Variants in NTM observed in about 807,000 individuals in gnomAD.
The protein encoded by NTM is IgLON family member 2.
Under a neutral mutation model 42.1 loss-of-function variants are expected in NTM, and 13 were observed. The ratio of observed to expected loss-of-function variants is 0.31; its 90% CI spans 0.20 to 0.49. NTM has a LOEUF of 0.49. NTM is among the 20% of genes least tolerant of loss of function. NTM has a pLI of 0.99. For synonymous variants in NTM, 187 were observed against 179.2 expected, an observed-to-expected ratio of 1.04 and a Z score of -0.35; for missense variants, 373 against 452.8, an observed-to-expected ratio of 0.82 and a Z score of 1.60.
In NTM at chr11:131,866,517, G is replaced by T. The variant is rs202030879; in HGVS notation, c.83-45047G>T. 7.2e-5 allele frequency among the ~76,000 whole-genome samples: 11 copies of T among 152,382 alleles called. No homozygotes were observed. The East Asian group carries it at 1.5e-3, about 21-fold the overall frequency. ...TCAGAGCTCCAAATCCCAAAGGAAT[G>T]AGTATGCAAAACTAAGACCCACCTC... is the stretch of plus-strand genomic sequence containing the variant. On this transcript the variant is annotated intron_variant, in intron 1 of 8. Transcript: ENST00000683400.
chr11:131,397,730 T>C (rs1591555398), intron 1 of NTM, among the ~76,000 whole-genome samples: 1 of 152,188 alleles, frequency 6.6e-6, no homozygotes, highest in African/African-American at 2.4e-5. Context: ...ATGGGCTTCC[T>C]GGGGGTTTTC....
chr11:132,295,258 T>C (rs2094573351), intron 4 of NTM, among the ~76,000 whole-genome samples: 1 of 152,162 alleles, frequency 6.6e-6, no homozygotes. Context: ...ACAATTGATA[T>C]GATATAACGA....
At chr11:132,202,828 G>A (rs1457434966) in intron 3 of NTM, among the ~76,000 whole-genome samples, 1 of 152,060 alleles carries the variant, frequency 6.6e-6, no homozygotes, top group Non-Finnish European at 1.5e-5. Flanking sequence ...CAGAAGCACT[G>A]GTTTATGACT....
At chr11:131,466,846 T>C (rs1951946629) in intron 1 of NTM, among the ~76,000 whole-genome samples, 1 of 152,226 alleles carries the variant, frequency 6.6e-6, no homozygotes, top group Non-Finnish European at 1.5e-5. Context: ...TTATTTTTAT[T>C]GTGTTGGAAA....
intron 3 of NTM, among the ~76,000 whole-genome samples, chr11:132,190,266 A>G (rs2079087035): frequency 6.6e-6 from 1 of 152,206 alleles, no homozygotes; most frequent in South Asian, 2.1e-4. Context: ...AAAGCATGGT[A>G]ATGAGATAGG....
intron 1 of NTM, among the ~76,000 whole-genome samples, chr11:131,779,616 T>C (rs2087692865): frequency 6.6e-6 from 1 of 152,164 alleles, no homozygotes; most frequent in Non-Finnish European, 1.5e-5. Flanking sequence ...GAGTAGCTTC[T>C]ACCTGAGATA....
Position 131,446,132 on chromosome 11 carries a change from T to A in NTM, c.82+75244T>A, listed in dbSNP as rs553335874. Among the ~76,000 whole-genome samples, 16 of 152,302 alleles carry A rather than the reference T, an allele frequency of 1.1e-4. No homozygotes were observed. The East Asian group carries it at 3.1e-3, about 29-fold the overall frequency. ...GTCCAACCCAATTCCCCAAGCCTACTGGAGGAAGGGCTATCTTATAGATCA... is the reference window on the plus strand; with the variant it reads ...GTCCAACCCAATTCCCCAAGCCTACAGGAGGAAGGGCTATCTTATAGATCA... On this transcript the variant is annotated intron_variant, in intron 1 of 8. Transcript: ENST00000683400.
At chr11:131,816,736 T>C (rs1376057096) in intron 1 of NTM, among the ~76,000 whole-genome samples, 1 of 152,122 alleles carries the variant, frequency 6.6e-6, no homozygotes, top group Non-Finnish European at 1.5e-5. Context: ...TGTAGGTATC[T>C]TTCCTAGGAG....
chr11:131,838,057 C>A (rs1033929555), intron 1 of NTM, among the ~76,000 whole-genome samples: 1 of 152,134 alleles, frequency 6.6e-6, no homozygotes, highest in African/African-American at 2.4e-5. Context: ...CATCTCCCAG[C>A]CATCTGGAAA....
intron 2 of NTM, among the ~76,000 whole-genome samples, chr11:132,031,483 T>A (rs894917781): frequency 6.6e-6 from 1 of 152,076 alleles, no homozygotes; most frequent in Non-Finnish European, 1.5e-5. Context: ...TCTGGATTTG[T>A]TTTTCAGGTA....
At chr11:132,227,502 T>C (rs1339680893) in intron 4 of NTM, among the ~76,000 whole-genome samples, 1 of 152,008 alleles carries the variant, frequency 6.6e-6, no homozygotes, top group African/African-American at 2.4e-5. Context: ...TTTTTTCCTC[T>C]AAAGTCCAAT....
At chr11:131,879,650 G>T (rs943669927) in intron 1 of NTM, among the ~76,000 whole-genome samples, 14 of 151,856 alleles carry the variant, frequency 9.2e-5, no homozygotes, top group African/African-American at 3.4e-4. Context: ...TTAATTTTTT[G>T]AAAAAAATAC....
At chr11:132,313,768 C>CCCCAACT (rs1180406218) in intron 6 of NTM, among the ~76,000 whole-genome samples, 2 of 152,104 alleles carry the variant, frequency 1.3e-5, no homozygotes, top group Admixed American at 6.6e-5. Context: ...ACCTCACTTC[C>CCCCAACT]CCCAACTAAC....
intron 1 of NTM, among the ~76,000 whole-genome samples, chr11:131,529,483 A>G (rs1413825084): frequency 6.6e-6 from 1 of 152,126 alleles, no homozygotes; most frequent in African/African-American, 2.4e-5. Context: ...GGTAAATAGG[A>G]TGGGGAAATG....
chr11:132,160,804 A>C (rs1037575467), intron 3 of NTM, among the ~76,000 whole-genome samples: 3 of 152,124 alleles, frequency 2.0e-5, no homozygotes, highest in Admixed American at 6.6e-5. Flanking sequence ...AAAAAATGAC[A>C]AGTGCAGGAT....
intron 1 of NTM, among the ~76,000 whole-genome samples, chr11:131,669,952 G>T (rs976623755): frequency 1.3e-5 from 2 of 152,174 alleles, no homozygotes; most frequent in African/African-American, 4.8e-5. Context: ...CAAAGATGCT[G>T]GCACTCTCCG....
intron 6 of NTM, among the ~76,000 whole-genome samples, chr11:132,312,972 T>C (rs1188518747): frequency 6.6e-6 from 1 of 152,118 alleles, no homozygotes; most frequent in Non-Finnish European, 1.5e-5. Flanking sequence ...CAGAGGAACA[T>C]CTACATAATG....
intron 4 of NTM, among the ~76,000 whole-genome samples, chr11:132,278,137 C>T (rs1028365436): frequency 6.6e-6 from 1 of 152,232 alleles, no homozygotes; most frequent in African/African-American, 2.4e-5. Flanking sequence ...GCATCCTTTA[C>T]AGCCTACCCA....
At chr11:132,244,321 G>T (rs1259334804) in intron 4 of NTM, among the ~76,000 whole-genome samples, 2 of 152,192 alleles carry the variant, frequency 1.3e-5, no homozygotes, top group Non-Finnish European at 1.5e-5. Flanking sequence ...CTGCCTATGG[G>T]TTTTTATTGC....
Sources: gnomAD v4.1 joint callset for allele counts (sites outside exome capture counted in the v4.1 genomes callset) on GRCh38, gnomAD v4.1.1 for gene constraint, MANE v1.5 for transcripts, NCBI Gene and HGNC (gene_info 2026-07-23, HGNC 2026-07-21) for gene names.